UGT1A8: variants seen among roughly 807,000 people sequenced by gnomAD.
The protein encoded by UGT1A8 is UDP-glucuronosyltransferase 1A8.
In UGT1A8, 39 loss-of-function variants were observed where a neutral mutation model predicts 45.3. The observed-to-expected ratio is 0.86, with a 90% CI of 0.67 to 1.12. The LOEUF is 1.12. Among genes scored for constraint, UGT1A8 ranks in the 50% most tolerant of loss-of-function variants. The probability of loss-of-function intolerance (pLI) is 0.00; values close to 1 mark genes in which losing one functional copy is unlikely to be tolerated. For synonymous variants in UGT1A8, 275 were observed against 249.2 expected (o/e 1.10, Z -0.97); for missense variants, 719 against 664.9 (o/e 1.08, Z -0.90).
intron 1 of UGT1A8, among the ~76,000 whole-genome samples, chr2:233,726,081 A>G (rs1169774855): frequency 6.6e-6 from 1 of 152,170 alleles, no homozygotes; most frequent in Non-Finnish European, 1.5e-5. Flanking sequence ...CAGGAGGATT[A>G]CTTGATCCGA....
intron 1 of UGT1A8, chr2:233,691,453 G>C (rs2075043201): frequency 2.1e-5 from 21 of 985,678 alleles, no homozygotes; most frequent in Non-Finnish European, 2.5e-5. Flanking sequence ...TCCCTTCCTG[G>C]GCCCCAGAAC....
Position 233,718,755 on chromosome 2 carries a change from C to T in UGT1A8, c.856-48279C>T, listed in dbSNP as rs372600165. 8.4e-5 allele frequency: 135 copies of T among 1,612,200 alleles called. 1 individual carries two copies. The highest frequency in any genetic ancestry group is 4.7e-4 in the African/African-American group (35 of 74,854). On this transcript the variant is annotated intron_variant, in intron 1 of 4. Coordinates refer to ENST00000373450, the MANE Select transcript of UGT1A8 (RefSeq NM_019076.5). ...TGGCTCAATGACAAGGTAATTAAGGCGAAGGAAACAAATGTAGCAGGCACA... is the reference window on the plus strand; with the variant it reads ...TGGCTCAATGACAAGGTAATTAAGGTGAAGGAAACAAATGTAGCAGGCACA...
At chr2:233,636,438 G>T in intron 1 of UGT1A8, 1 of 1,523,364 alleles carries the variant, frequency 6.6e-7, no homozygotes, top group African/African-American at 1.4e-5. Flanking sequence ...CTCTATTGGG[G>T]TCAGGTTTTG....
intron 1 of UGT1A8, chr2:233,719,318 G>C (rs368511777): frequency 5.0e-6 from 8 of 1,613,836 alleles, no homozygotes; most frequent in African/African-American, 1.3e-5. Flanking sequence ...AGTACCTGTC[G>C]ATTCCTGCTG....
intron 1 of UGT1A8, among the ~76,000 whole-genome samples, chr2:233,707,382 A>G (rs1046947918): frequency 1.3e-5 from 2 of 151,700 alleles, no homozygotes; most frequent in Non-Finnish European, 2.9e-5. Flanking sequence ...CTCAGCATCC[A>G]TGAGCTATTC....
At chr2:233,624,606 G>C (rs961773132) in intron 1 of UGT1A8, among the ~76,000 whole-genome samples, 7 of 152,026 alleles carry the variant, frequency 4.6e-5, no homozygotes, top group African/African-American at 1.7e-4. Context: ...CTATAGCTGT[G>C]TAATAATCTT....
chr2:233,713,916 G>A, intron 1 of UGT1A8: 2 of 1,612,412 alleles, frequency 1.2e-6, no homozygotes, highest in Non-Finnish European at 1.7e-6. Flanking sequence ...TTTAAAAAAT[G>A]TATTTACTTA....
chr2:233,735,517 G>A (rs2078663232), intron 1 of UGT1A8, among the ~76,000 whole-genome samples: 1 of 152,112 alleles, frequency 6.6e-6, no homozygotes, highest in Non-Finnish European at 1.5e-5. Context: ...TACATTTAAG[G>A]TAAATATTGT....
At position 233,769,409 on chromosome 2, in the gene UGT1A8, G is replaced by T; in HGVS notation, c.1295+970G>T. The T allele has an allele frequency of 7.6e-7, 1 of 1,316,726 alleles. No individual in the cohort carries two copies. Among genetic ancestry groups the T allele is most frequent in the South Asian group, 1.3e-5 (1 of 78,812 alleles). 81.6% of individuals were successfully genotyped at this position (1,316,726 alleles called of 1,614,324 possible). A position where few individuals can be genotyped will look rare whatever the true frequency, so the allele number is the denominator to read the frequency against. On this transcript the variant is annotated intron_variant, in intron 4 of 4. Transcript: ENST00000373450. The surrounding 1 kb of genome is among the most constrained non-coding windows in gnomAD (Gnocchi z 4.4). The stretch of plus-strand genomic sequence containing the variant: ...AGATACTGTGTGCATATGTGCGTGT[G>T]CGTTTGTGCATGTGGCTGTGCTCAT...
At chr2:233,711,815 G>A (rs1445838200) in intron 1 of UGT1A8, among the ~76,000 whole-genome samples, 1 of 152,182 alleles carries the variant, frequency 6.6e-6, no homozygotes, top group East Asian at 1.9e-4. Flanking sequence ...ATCATCCTGG[G>A]GCGACCAGGA....
intron 1 of UGT1A8, among the ~76,000 whole-genome samples, chr2:233,688,986 C>G (rs531917825): frequency 6.6e-6 from 1 of 152,328 alleles, no homozygotes; most frequent in South Asian, 2.1e-4. Flanking sequence ...CCCTTCATCC[C>G]TATGTCCCAG....
At chr2:233,749,912 GT>G (rs559529572) in intron 1 of UGT1A8, among the ~76,000 whole-genome samples, 2 of 151,864 alleles carry the variant, frequency 1.3e-5, no homozygotes, top group African/African-American at 4.9e-5. Context: ...ACCTGGAACT[GT>G]GAGTCAATTA....
At chr2:233,691,387 G>C in intron 1 of UGT1A8, 1 of 985,394 alleles carries the variant, frequency 1.0e-6, no homozygotes, top group Non-Finnish European at 1.2e-6. Flanking sequence ...TGTTCCCCAT[G>C]GGGGCCAGCC....
Position 233,772,649 on chromosome 2 carries a change from C to A in UGT1A8, c.*90C>A, listed in dbSNP as rs1644667767. The A allele has an allele frequency of 3.2e-6, 5 of 1,548,118 alleles. No individual in the cohort carries two copies. In the Admixed American group the frequency reaches 5.9e-5, roughly 18 times the overall value. On this transcript the variant is annotated 3_prime_UTR_variant, in exon 5 of 5. Coordinates refer to ENST00000373450, the MANE Select transcript of UGT1A8 (RefSeq NM_019076.5). Reference sequence around the variant, plus strand: ...GAATCAGTGTTAAATTCATTTTATTCTTATTAAGGAAATACTTTGCATAAA... The same window carrying A: ...GAATCAGTGTTAAATTCATTTTATTATTATTAAGGAAATACTTTGCATAAA...
In UGT1A8 at chr2:233,750,906, G is replaced by C. The variant is rs147161885; in HGVS notation, c.856-16128G>C. Among the ~76,000 whole-genome samples, 893 of 152,034 alleles carry C rather than the reference G, an allele frequency of 5.9e-3. 37 individuals carry two copies. Among genetic ancestry groups the C allele is most frequent in the African/African-American group, 0.021 (857 of 41,250 alleles). On this transcript the variant is annotated intron_variant, in intron 1 of 4. Coordinates refer to ENST00000373450, the MANE Select transcript of UGT1A8 (RefSeq NM_019076.5). ...GCCCTTATAGAGAACCTCTGCTAGA[G>C]AAGGGTGGTAAAGAAATGTGAGGTT...
intron 1 of UGT1A8, chr2:233,747,755 C>T: frequency 6.2e-7 from 1 of 1,613,468 alleles, no homozygotes; most frequent in Non-Finnish European, 8.5e-7. Context: ...GTGATTTAGA[C>T]TTTAAGGGCA....
intron 1 of UGT1A8, among the ~76,000 whole-genome samples, chr2:233,655,930 T>C (rs1384866547): frequency 1.3e-5 from 2 of 152,178 alleles, no homozygotes; most frequent in African/African-American, 4.8e-5. Flanking sequence ...ACTGAAAAAT[T>C]ACAGAATTAT....
At chr2:233,757,535 A>AATATATATACATATACATATATACATAT (rs376887521) in intron 1 of UGT1A8, among the ~76,000 whole-genome samples, 1 of 88,312 alleles carries the variant, frequency 1.1e-5, no homozygotes, top group African/African-American at 5.0e-5. Context: ...GCCTGTAAGG[A>AATATATATACATATACATATATACATAT]ATATATATAT....
chr2:233,666,496 G>T (rs1304829652), intron 1 of UGT1A8, among the ~76,000 whole-genome samples: 1 of 151,926 alleles, frequency 6.6e-6, no homozygotes, highest in Non-Finnish European at 1.5e-5. Flanking sequence ...ACCTTCTTGG[G>T]TTATTCTCTG....
Sources: gnomAD v4.1 joint callset for allele counts (sites outside exome capture counted in the v4.1 genomes callset) on GRCh38, gnomAD v4.1.1 for gene constraint, Gnocchi (gnomAD v3.1) non-coding constraint, MANE v1.5 for transcripts, NCBI Gene and HGNC (gene_info 2026-07-23, HGNC 2026-07-21) for gene names.